Variants in NIBAN3 observed in about 807,000 individuals in gnomAD.
NIBAN3 encodes niban apoptosis regulator 3.
Under a neutral mutation model 76.4 loss-of-function variants are expected in NIBAN3, and 66 were observed. That is an observed-to-expected ratio of 0.86 (90% confidence interval 0.71 to 1.06). NIBAN3 has a LOEUF of 1.06. Ranked by LOEUF, NIBAN3 falls within the 50% of genes least tolerant of loss-of-function variation. The pLI is 0.00. For synonymous variants in NIBAN3, 360 were observed against 355.2 expected, an observed-to-expected ratio of 1.01 and a Z score of -0.15; for missense variants, 808 against 810.7, an observed-to-expected ratio of 1.00 and a Z score of 0.04.
Position 17,542,349 on chromosome 19 carries a change from A to G in NIBAN3, c.1329+55A>G, listed in dbSNP as rs767770119. 30 of 1,527,624 alleles carry G rather than the reference A, an allele frequency of 2.0e-5. No homozygotes were observed. Among genetic ancestry groups the G allele is most frequent in the Non-Finnish European group, 2.6e-5 (29 of 1,135,280 alleles). The allele number at this position is 1,527,624 out of a possible 1,614,324, so 94.6% of individuals were successfully genotyped here. A position where few individuals can be genotyped will look rare whatever the true frequency, so the allele number is the denominator to read the frequency against. On this transcript the variant is annotated intron_variant, in intron 10 of 14. Transcript: ENST00000599164. The surrounding 1 kb of genome is among the most constrained non-coding windows in gnomAD (Gnocchi z 4.8). ...CAGGCTGTGAAGACAGCCTCCACTG[A>G]CCTCCTGCTAAGTGTGCCCTGGAGA...
chr19:17,539,387 T>A lies in NIBAN3; in HGVS notation c.752T>A (p.Leu251Gln). The A allele has an allele frequency of 1.3e-6, 2 of 1,540,916 alleles. No homozygotes were observed. Among genetic ancestry groups the A allele is most frequent in the Non-Finnish European group, 1.7e-6 (2 of 1,146,008 alleles). ...AVLMREQLPA[L>Q]RAQTLPGLRG... ...CTGATGCGGGAGCAACTTCCCGCGC[T>A]GCGAGCCCAGACCCTTCCTGGCCTG... The change falls in exon 7 of 15, where the codon CTG (leucine) becomes CAG (glutamine). Residue 251 changes from leucine (L) to glutamine (Q), a missense_variant. Coordinates refer to ENST00000599164, the MANE Select transcript of NIBAN3 (RefSeq NM_001321827.2).
At chr19:17,525,335 C>CTTCATTCA (rs71336621), upstream of NIBAN3, among the ~76,000 whole-genome samples, 982 of 150,988 alleles carry the variant, frequency 6.5e-3, 7 homozygotes, top group South Asian at 0.014. Context: ...CCGTCCCTCC[C>CTTCATTCA]TTCATTCATT....
Position 17,533,486 on chromosome 19 carries a change from AT to A in NIBAN3, c.313-96del. ...GAGGGAGGGGTGGGAGGGGCAGAGGATTTTTCAGCTCATCTGAAATCTTCCC... is the reference window on the plus strand; with the variant it reads ...GAGGGAGGGGTGGGAGGGGCAGAGGATTTTCAGCTCATCTGAAATCTTCCC... On this transcript the variant is annotated intron_variant, in intron 3 of 14. Transcript: ENST00000599164. 9.8e-6 allele frequency: 7 copies of A among 711,792 alleles called. No individual in the cohort carries two copies. In the South Asian group the frequency reaches 1.3e-4, roughly 13 times the overall value. The allele number at this position is 711,792 out of a possible 1,614,324, so 44.1% of individuals were successfully genotyped here. A position where few individuals can be genotyped will look rare whatever the true frequency, so the allele number is the denominator to read the frequency against.
chr19:17,534,263 C>T (rs2075783927), intron 4 of NIBAN3, among the ~76,000 whole-genome samples: 1 of 152,150 alleles, frequency 6.6e-6, no homozygotes, highest in African/African-American at 2.4e-5. Flanking sequence ...GCCTATAATC[C>T]CACCACTTTG....
At position 17,553,151 on chromosome 19, in the gene NIBAN3, C is replaced by A; in HGVS notation, c.*1253C>A. ...TTTTTTTTTTAATTTCAGTGAATTG[C>A]CTGTTCATAGCTTTTTTCTACTTTT... is the stretch of plus-strand genomic sequence containing the variant. On this transcript the variant is annotated 3_prime_UTR_variant, in exon 15 of 15. Coordinates refer to ENST00000599164, the MANE Select transcript of NIBAN3 (RefSeq NM_001321827.2). 4 of 1,005,998 alleles carry A rather than the reference C, an allele frequency of 4.0e-6. No homozygotes were observed. The highest frequency in any genetic ancestry group is 5.6e-6 in the Non-Finnish European group (4 of 714,150). The allele number at this position is 1,005,998 out of a possible 1,614,324, so 62.3% of individuals were successfully genotyped here.
chr19:17,550,843 C>CTTTTTTTTTTTTTTTTTTTTTTTTTTTT (rs10690901), intron 14 of NIBAN3, among the ~76,000 whole-genome samples: 1 of 91,550 alleles, frequency 1.1e-5, no homozygotes. Flanking sequence ...CTTGTACATA[C>CTTTTTTTTTTTTTTTTTTTTTTTTTTTT]TTTTTTTTTT....
At chr19:17,535,737 G>A (rs2144703530) in intron 4 of NIBAN3, among the ~76,000 whole-genome samples, 1 of 139,282 alleles carries the variant, frequency 7.2e-6, no homozygotes, top group Non-Finnish European at 1.5e-5. Context: ...GACAGAGCAA[G>A]ACTCTGTCAA....
upstream of NIBAN3, among the ~76,000 whole-genome samples, chr19:17,525,334 C>CATT (rs1435215906): frequency 7.1e-6 from 1 of 141,032 alleles, no homozygotes; most frequent in Non-Finnish European, 1.5e-5. Context: ...TCCGTCCCTC[C>CATT]CTTCATTCAT....
chr19:17,547,632 C>T (rs559885187), intron 13 of NIBAN3, among the ~76,000 whole-genome samples: 7 of 150,392 alleles, frequency 4.7e-5, no homozygotes, highest in African/African-American at 7.3e-5. Context: ...GGATTACAGG[C>T]GTGAGCCACC....
chr19:17,524,349 G>A (rs562630521), upstream of NIBAN3, among the ~76,000 whole-genome samples: 11 of 152,010 alleles, frequency 7.2e-5, no homozygotes, highest in South Asian at 4.2e-4. Context: ...GCAGTGGTCC[G>A]ATTTCAGCTC....
chr19:17,525,335 C>CTTCATTCATTCA (rs71336621), upstream of NIBAN3, among the ~76,000 whole-genome samples: 2 of 150,874 alleles, frequency 1.3e-5, no homozygotes, highest in Non-Finnish European at 3.0e-5. Context: ...CCGTCCCTCC[C>CTTCATTCATTCA]TTCATTCATT....
chr19:17,542,331 T>C lies in NIBAN3; in HGVS notation c.1329+37T>C. On this transcript the variant is annotated intron_variant, in intron 10 of 14. Transcript: ENST00000599164. This position sits in a 1 kb window ranked among gnomAD's most constrained non-coding sequence, Gnocchi z 4.8. ...AGGAGGCTGGGATGAGGCCAGGCTG[T>C]GAAGACAGCCTCCACTGACCTCCTG... 1 of 1,561,910 alleles carries C rather than the reference T, an allele frequency of 6.4e-7. No homozygotes were observed. The highest frequency in any genetic ancestry group is 8.7e-7 in the Non-Finnish European group (1 of 1,155,432).
chr19:17,553,396 G>A lies in NIBAN3; in HGVS notation c.*1498G>A, dbSNP rs763620290. ...CCTCTGCTTGCCAGCAAAGTCATCT[G>A]CTAACTGGATATTGGCAGCTTCTCT... On this transcript the variant is annotated 3_prime_UTR_variant, in exon 15 of 15. Coordinates refer to ENST00000599164, the MANE Select transcript of NIBAN3 (RefSeq NM_001321827.2). The A allele has an allele frequency of 5.6e-6, 9 of 1,614,178 alleles. No individual in the cohort carries two copies. Among genetic ancestry groups the A allele is most frequent in the Non-Finnish European group, 6.8e-6 (8 of 1,180,046 alleles).
At position 17,553,311 on chromosome 19, in the gene NIBAN3, A is replaced by C; in HGVS notation, c.*1413A>C. The C allele has an allele frequency of 6.2e-7, 1 of 1,611,964 alleles. No homozygotes were observed. Among genetic ancestry groups the C allele is most frequent in the South Asian group, 1.1e-5 (1 of 91,030 alleles). On this transcript the variant is annotated 3_prime_UTR_variant, in exon 15 of 15. Coordinates refer to ENST00000599164, the MANE Select transcript of NIBAN3 (RefSeq NM_001321827.2). The stretch of plus-strand genomic sequence containing the variant: ...TGTGAGCCTTTTGGGTTTGTTTCCT[A>C]GCTCCAAATCTTAACTTGGTGTCAA...
At chr19:17,534,716 G>A (rs186134652) in intron 4 of NIBAN3, among the ~76,000 whole-genome samples, 133 of 151,550 alleles carry the variant, frequency 8.8e-4, no homozygotes, top group African/African-American at 3.0e-3. Context: ...GCGTGAACCC[G>A]GGAGGCAGAG....
At chr19:17,523,548 G>T, upstream of NIBAN3, 1 of 1,148,130 alleles carries the variant, frequency 8.7e-7, no homozygotes, top group Middle Eastern at 2.1e-4. Flanking sequence ...CGGCAGGCAC[G>T]GGGCTGCGAA....
chr19:17,534,284 G>A (rs1377749531), intron 4 of NIBAN3, among the ~76,000 whole-genome samples: 6 of 152,204 alleles, frequency 3.9e-5, no homozygotes, highest in Admixed American at 3.3e-4. Context: ...GGAGGCCGAG[G>A]TGGGCGGATC....
chr19:17,523,611 TGGGGCTG>T, upstream of NIBAN3: 1 of 614,746 alleles, frequency 1.6e-6, no homozygotes. Context: ...TGGTTGTGCC[TGGGGCTG>T]TCACCATCTC....
chr19:17,534,360 C>T (rs1029378081), intron 4 of NIBAN3, among the ~76,000 whole-genome samples: 3 of 151,982 alleles, frequency 2.0e-5, no homozygotes, highest in Non-Finnish European at 4.4e-5. Context: ...ACTAAAAATA[C>T]AAAAATTAGC....
Sources: gnomAD v4.1 joint callset for allele counts (sites outside exome capture counted in the v4.1 genomes callset) on GRCh38, gnomAD v4.1.1 for gene constraint, Gnocchi (gnomAD v3.1) non-coding constraint, MANE v1.5 for transcripts, NCBI Gene and HGNC (gene_info 2026-07-23, HGNC 2026-07-21) for gene names.